ARID1B: variants seen among roughly 807,000 people sequenced by gnomAD.
The protein encoded by ARID1B is AT-rich interaction domain 1B, also known as AT-rich interactive domain-containing protein 1B.
In ARID1B, 30 loss-of-function variants were observed where a neutral mutation model predicts 212.3. The ratio of observed to expected loss-of-function variants is 0.14; its 90% CI spans 0.11 to 0.19. ARID1B has a LOEUF of 0.19. ARID1B is among the 10% of genes least tolerant of loss of function. ARID1B has a pLI of 1.00. For synonymous variants in ARID1B, 1,402 were observed against 1,301.7 expected (o/e 1.08, Z -1.66); for missense variants, 2,891 against 3,204.0 (o/e 0.90, Z 2.36).
chr6:157,135,422 GA>G (rs1788841964), intron 7 of ARID1B, among the ~76,000 whole-genome samples: 3 of 152,118 alleles, frequency 2.0e-5, no homozygotes, highest in Non-Finnish European at 1.5e-5. Flanking sequence ...GTTAATAGTA[GA>G]AACGATCTGA....
intron 1 of ARID1B, among the ~76,000 whole-genome samples, chr6:156,802,652 G>GC (rs1780869117): frequency 6.6e-6 from 1 of 152,162 alleles, no homozygotes; most frequent in Non-Finnish European, 1.5e-5. Context: ...AGCTCTCCTA[G>GC]CCCCTGGGGC....
intron 5 of ARID1B, among the ~76,000 whole-genome samples, chr6:157,099,862 T>G (rs913315428): frequency 9.9e-5 from 15 of 152,182 alleles, no homozygotes; most frequent in African/African-American, 3.6e-4. Flanking sequence ...AGCTGTCTTG[T>G]TCTCTCAAGT....
At chr6:156,813,523 T>C (rs1171979057) in intron 1 of ARID1B, among the ~76,000 whole-genome samples, 1 of 152,204 alleles carries the variant, frequency 6.6e-6, no homozygotes, top group East Asian at 1.9e-4. Flanking sequence ...ATTTCTGATA[T>C]ACTGTAGAAT....
intron 8 of ARID1B, among the ~76,000 whole-genome samples, chr6:157,162,056 T>C (rs1453267807): frequency 1.3e-5 from 2 of 152,210 alleles, no homozygotes; most frequent in Non-Finnish European, 2.9e-5. Flanking sequence ...CTCCATTTCT[T>C]CTGTCTGTCC....
chr6:156,950,052 G>A (rs1793459952), intron 4 of ARID1B, among the ~76,000 whole-genome samples: 1 of 152,218 alleles, frequency 6.6e-6, no homozygotes, highest in South Asian at 2.1e-4. Flanking sequence ...GAAATGTGAT[G>A]TTAGTGACTA....
intron 5 of ARID1B, among the ~76,000 whole-genome samples, chr6:157,085,519 T>G (rs1784909917): frequency 6.7e-6 from 1 of 150,324 alleles, no homozygotes; most frequent in Non-Finnish European, 1.5e-5. Flanking sequence ...TTCTCGAGGT[T>G]ATTTATTTGG....
intron 2 of ARID1B, among the ~76,000 whole-genome samples, chr6:156,848,616 A>G (rs1468905999): frequency 6.6e-6 from 1 of 152,186 alleles, no homozygotes; most frequent in Non-Finnish European, 1.5e-5. Flanking sequence ...GGAGGTTGTT[A>G]TTCTTCTCTG....
chr6:157,068,163 A>G (rs2128422666), intron 4 of ARID1B, among the ~76,000 whole-genome samples: 1 of 152,360 alleles, frequency 6.6e-6, no homozygotes, highest in Admixed American at 6.5e-5. Context: ...AGCAGACAGA[A>G]CAAAAATCCG....
intron 4 of ARID1B, among the ~76,000 whole-genome samples, chr6:157,078,929 T>A (rs150187870): frequency 1.3e-5 from 2 of 152,284 alleles, no homozygotes; most frequent in Non-Finnish European, 2.9e-5. Flanking sequence ...TGGCCACCCC[T>A]CTTAAAGTGA....
chr6:157,127,691 G>A (rs1162332046), intron 6 of ARID1B, among the ~76,000 whole-genome samples: 1 of 147,660 alleles, frequency 6.8e-6, no homozygotes, highest in Admixed American at 6.9e-5. Flanking sequence ...CAGGAGAATC[G>A]CTTGAACTCA....
chr6:156,785,267 T>G (rs1414363224), intron 1 of ARID1B, among the ~76,000 whole-genome samples: 1 of 152,186 alleles, frequency 6.6e-6, no homozygotes, highest in Non-Finnish European at 1.5e-5. Flanking sequence ...TACTCTTATT[T>G]CCATTATTAA....
intron 1 of ARID1B, among the ~76,000 whole-genome samples, chr6:156,804,303 A>G (rs1245779192): frequency 1.3e-5 from 2 of 151,150 alleles, no homozygotes; most frequent in Non-Finnish European, 3.0e-5. Flanking sequence ...ACCACTGCAC[A>G]CCAGCCTGGG....
intron 8 of ARID1B, among the ~76,000 whole-genome samples, chr6:157,165,102 T>C (rs940590908): frequency 6.6e-6 from 1 of 152,144 alleles, no homozygotes; most frequent in Non-Finnish European, 1.5e-5. Flanking sequence ...CTCTGCAAGA[T>C]GATGTAAAGC....
intron 4 of ARID1B, among the ~76,000 whole-genome samples, chr6:157,025,585 G>A (rs1046276420): frequency 1.7e-5 from 2 of 117,838 alleles, no homozygotes; most frequent in African/African-American, 7.7e-5. Flanking sequence ...CTTGAGTCAG[G>A]CTTCTTAGCA....
intron 3 of ARID1B, among the ~76,000 whole-genome samples, chr6:156,918,881 T>A (rs1790567776): frequency 6.6e-6 from 1 of 152,194 alleles, no homozygotes; most frequent in African/African-American, 2.4e-5. Context: ...TTCCTCTCTC[T>A]GTTCCCTTTT....
Position 157,185,359 on chromosome 6 carries a change from G to A in ARID1B, c.3919+924G>A, listed in dbSNP as rs182427531. The A allele has an allele frequency of 2.0e-5, 3 of 152,396 alleles. No individual in the cohort carries two copies. The East Asian group carries it at 5.8e-4, about 29-fold the overall frequency. 9.4% of individuals were successfully genotyped at this position (152,396 alleles called of 1,614,324 possible). On this transcript the variant is annotated intron_variant, in intron 13 of 19. Coordinates refer to ENST00000636930, the MANE Select transcript of ARID1B (RefSeq NM_001374828.1). ...TCAGCACATTAGCCTCACTGTTCCT[G>A]GTCCCTGTCTATGAGATGTGGCTGC... is the stretch of plus-strand genomic sequence containing the variant.
Position 157,097,754 on chromosome 6 carries a change from A to G in ARID1B, c.2492-12718A>G, listed in dbSNP as rs143568467. On this transcript the variant is annotated intron_variant, in intron 5 of 19. Transcript: ENST00000636930. Reference sequence around the variant, plus strand: ...AAGGGAGCAGGCAGGCGCCTCAGCTAATCTTTCTCCTGGGGGCCCAGGTGG... The same window carrying G: ...AAGGGAGCAGGCAGGCGCCTCAGCTGATCTTTCTCCTGGGGGCCCAGGTGG... Among the ~76,000 whole-genome samples, 760 of 152,338 alleles carry G rather than the reference A, an allele frequency of 5.0e-3. 3 individuals are homozygous for G. Among genetic ancestry groups the G allele is most frequent in the Non-Finnish European group, 7.3e-3 (494 of 68,030 alleles).
At chr6:156,880,537 G>A (rs528745827) in intron 2 of ARID1B, among the ~76,000 whole-genome samples, 21 of 152,120 alleles carry the variant, frequency 1.4e-4, no homozygotes, top group Admixed American at 1.1e-3. Context: ...CAAGGAGTTC[G>A]AGAACAGCCT....
intron 4 of ARID1B, among the ~76,000 whole-genome samples, chr6:156,999,741 T>C (rs1778802800): frequency 6.6e-6 from 1 of 152,228 alleles, no homozygotes; most frequent in South Asian, 2.1e-4. Context: ...CAGCACACTT[T>C]GAGGCACTAG....
Sources: allele counts gnomAD v4.1 joint callset (sites outside exome capture counted in the v4.1 genomes callset), GRCh38; gene constraint gnomAD v4.1.1; transcripts MANE v1.5; gene names NCBI Gene and HGNC (gene_info 2026-07-23, HGNC 2026-07-21).